The following SMAD9 variants were observed in gnomAD, a reference collection of about 807,000 sequenced individuals.
SMAD9 encodes SMAD family member 9.
Under a neutral mutation model 46.1 loss-of-function variants are expected in SMAD9, and 36 were observed. That is an observed-to-expected ratio of 0.78 (90% CI 0.60 to 1.03). The LOEUF is 1.03. Among genes scored for constraint, SMAD9 ranks in the 50% least tolerant of loss-of-function variants. SMAD9 has a pLI of 0.00. For missense variants in SMAD9, 572 were observed against 599.8 expected, an observed-to-expected ratio of 0.95 and a Z score of 0.48; for synonymous variants, 245 against 237.1, an observed-to-expected ratio of 1.03 and a Z score of -0.31.
intron 2 of SMAD9, among the ~76,000 whole-genome samples, chr13:36,874,854 CAAAAAAAAAA>C (rs529721275): frequency 4.5e-5 from 3 of 66,066 alleles, no homozygotes; most frequent in African/African-American, 6.1e-5. Flanking sequence ...GACTCCGTCC[CAAAAAAAAAA>C]AAAAAAAAAA....
At position 36,854,596 on chromosome 13, in the gene SMAD9, T is replaced by TC. The variant is rs1385026208; in HGVS notation, c.1004-922dup. On this transcript the variant is annotated intron_variant, in intron 5 of 6. Coordinates refer to ENST00000379826, the MANE Select transcript of SMAD9 (RefSeq NM_001127217.3). ...TGGCCAGGCCAGGCTAGTCTCAAAC[T>TC]CCCAACCTCAAGTAATCCACCCGCC... is the stretch of plus-strand genomic sequence containing the variant. Among the ~76,000 whole-genome samples the TC allele has an allele frequency of 2.0e-5, 3 of 152,008 alleles. No homozygotes were observed. The East Asian group carries it at 5.8e-4, about 29-fold the overall frequency.
At chr13:36,894,087 A>G (rs951770117) in intron 1 of SMAD9, among the ~76,000 whole-genome samples, 10 of 152,232 alleles carry the variant, frequency 6.6e-5, no homozygotes, top group African/African-American at 2.4e-4. Context: ...ATTTTAATCC[A>G]TAACTAGAAT....
At chr13:36,870,631 C>T (rs890864696) in intron 3 of SMAD9, among the ~76,000 whole-genome samples, 1 of 152,220 alleles carries the variant, frequency 6.6e-6, no homozygotes, top group African/African-American at 2.4e-5. Context: ...CCCCCTTCTC[C>T]ACCAGAGATA....
rs1211122499 is a variant in SMAD9, at chr13:36,890,805, T to C, written c.-186-10930A>G. ...TCTCTCCCTTTCTCTCACCCCCCAC[T>C]CTCCCCTCTCCACACCCCCATGACC... On this transcript the variant is annotated intron_variant, in intron 1 of 6. Transcript: ENST00000379826. Among the ~76,000 whole-genome samples the C allele has an allele frequency of 4.1e-5, 6 of 147,848 alleles. No individual in the cohort carries two copies. In the East Asian group the frequency reaches 1.2e-3, roughly 30 times the overall value.
At chr13:36,881,037 T>C (rs1036206278) in intron 1 of SMAD9, among the ~76,000 whole-genome samples, 1 of 152,212 alleles carries the variant, frequency 6.6e-6, no homozygotes, top group African/African-American at 2.4e-5. Flanking sequence ...TTATACACTA[T>C]CACACACCAA....
At position 36,867,369 on chromosome 13, in the gene SMAD9, G is replaced by A. The variant is rs547463962; in HGVS notation, c.685C>T (p.Leu229=). ...GAGGCTTCTGTGGCATGATAAGGCA[G>A]GGGTGGTGTGTCAACTAAAAGAAAG... is the stretch of plus-strand genomic sequence containing the variant. ...PYQHSVDTPP[L]PYHATEASET... Residue 229 remains leucine (L), a synonymous_variant, in exon 4 of 7, where the codon CTG becomes TTG. Coordinates refer to ENST00000379826, the MANE Select transcript of SMAD9 (RefSeq NM_001127217.3). 5.8e-6 allele frequency: 9 copies of A among 1,548,322 alleles called. No homozygotes were observed. The African/African-American group carries it at 6.8e-5, about 12-fold the overall frequency.
At chr13:36,887,040 G>T (rs1191517219) in intron 1 of SMAD9, among the ~76,000 whole-genome samples, 35 of 102,548 alleles carry the variant, frequency 3.4e-4, no homozygotes, top group South Asian at 2.1e-3. Flanking sequence ...CTTTGAATGG[G>T]TTTTTTTTTT....
chr13:36,880,733 C>A (rs1014827039), intron 1 of SMAD9, among the ~76,000 whole-genome samples: 8 of 152,132 alleles, frequency 5.3e-5, no homozygotes, highest in African/African-American at 1.9e-4. Flanking sequence ...GAAAAGATGA[C>A]AATCTAGGTG....
chr13:36,878,545 T>C (rs2058369102), intron 2 of SMAD9, among the ~76,000 whole-genome samples: 1 of 152,198 alleles, frequency 6.6e-6, no homozygotes, highest in Non-Finnish European at 1.5e-5. Flanking sequence ...TGTATTTCCA[T>C]CATTAAGTGA....
intron 1 of SMAD9, among the ~76,000 whole-genome samples, chr13:36,885,402 C>T (rs1282769367): frequency 2.0e-5 from 3 of 152,042 alleles, no homozygotes; most frequent in Non-Finnish European, 4.4e-5. Flanking sequence ...CACACACACA[C>T]GTATATTTAA....
intron 5 of SMAD9, among the ~76,000 whole-genome samples, chr13:36,856,152 A>C (rs1342143020): frequency 6.6e-6 from 1 of 152,092 alleles, no homozygotes; most frequent in African/African-American, 2.4e-5. Context: ...CGCCTCTTAC[A>C]ACAACCCCTG....
chr13:36,856,863 C>G (rs1425388069), intron 5 of SMAD9, among the ~76,000 whole-genome samples: 1 of 139,618 alleles, frequency 7.2e-6, no homozygotes, highest in Non-Finnish European at 1.5e-5. Context: ...GATGGGGTGG[C>G]GCGATCTCGG....
intron 2 of SMAD9, among the ~76,000 whole-genome samples, chr13:36,878,630 T>A (rs986736466): frequency 1.3e-5 from 2 of 152,212 alleles, no homozygotes; most frequent in Non-Finnish European, 2.9e-5. Context: ...CATTGGCTGT[T>A]TTCAGACCTA....
chr13:36,895,048 C>A (rs1266697976), intron 1 of SMAD9, among the ~76,000 whole-genome samples: 1 of 152,154 alleles, frequency 6.6e-6, no homozygotes, highest in Non-Finnish European at 1.5e-5. Context: ...CAATCTCCGG[C>A]AGTCAGTTCC....
chr13:36,866,053 G>C (rs1166173077), intron 4 of SMAD9, among the ~76,000 whole-genome samples: 2 of 152,122 alleles, frequency 1.3e-5, no homozygotes, highest in African/African-American at 2.4e-5. Context: ...GACATGAACA[G>C]ATGAACATAA....
chr13:36,855,868 A>G (rs2138306017), intron 5 of SMAD9, among the ~76,000 whole-genome samples: 1 of 152,306 alleles, frequency 6.6e-6, no homozygotes, highest in East Asian at 1.9e-4. Flanking sequence ...CAGCTAAAGC[A>G]CAGCCCTGGA....
chr13:36,885,402 C>CAT (rs397957320), intron 1 of SMAD9, among the ~76,000 whole-genome samples: 6 of 152,042 alleles, frequency 3.9e-5, no homozygotes, highest in African/African-American at 1.4e-4. Context: ...CACACACACA[C>CAT]GTATATTTAA....
intron 1 of SMAD9, among the ~76,000 whole-genome samples, chr13:36,915,565 A>G (rs948158725): frequency 6.6e-5 from 10 of 152,002 alleles, no homozygotes; most frequent in Non-Finnish European, 1.3e-4. Context: ...GAGAGAGAGA[A>G]GATTTTGATA....
chr13:36,909,220 T>C (rs1470081485), intron 1 of SMAD9, among the ~76,000 whole-genome samples: 1 of 152,218 alleles, frequency 6.6e-6, no homozygotes, highest in African/African-American at 2.4e-5. Context: ...ATTGCCTGTT[T>C]GCTATGTAGT....
Sources: allele counts gnomAD v4.1 joint callset (sites outside exome capture counted in the v4.1 genomes callset), GRCh38; gene constraint gnomAD v4.1.1; transcripts MANE v1.5; gene names NCBI Gene and HGNC (gene_info 2026-07-23, HGNC 2026-07-21).